LOC128092253: variants seen among roughly 807,000 people sequenced by gnomAD.
At chr6:133,966,185 AC>A in the LOC128092253 span, among the ~76,000 whole-genome samples, 9 of 152,146 alleles carry the variant, frequency 5.9e-5, no homozygotes, top group African/African-American at 2.2e-4. Context: ...AACTCTGCAG[AC>A]ATTTTATTGA....
At chr6:133,953,996 G>A in the LOC128092253 span, among the ~76,000 whole-genome samples, 2 of 152,154 alleles carry the variant, frequency 1.3e-5, no homozygotes, top group East Asian at 3.9e-4. Flanking sequence ...TAGAACTGAA[G>A]AAGAGAAAAT....
chr6:133,954,431 G>A, the LOC128092253 span, among the ~76,000 whole-genome samples: 2 of 152,228 alleles, frequency 1.3e-5, no homozygotes, highest in African/African-American at 4.8e-5. Context: ...GAAAATGGCA[G>A]TTCCTTCCTA....
the LOC128092253 span, among the ~76,000 whole-genome samples, chr6:133,966,889 A>T: frequency 6.6e-6 from 1 of 152,172 alleles, no homozygotes; most frequent in South Asian, 2.1e-4. Flanking sequence ...CTTCTCTTTC[A>T]GTCCATCCTC....
the LOC128092253 span, among the ~76,000 whole-genome samples, chr6:133,966,979 A>G: frequency 1.3e-5 from 2 of 152,154 alleles, no homozygotes; most frequent in African/African-American, 4.8e-5. Flanking sequence ...GCTAACCACT[A>G]CTTTTGAGAT....
chr6:133,963,913 C>T, the LOC128092253 span, among the ~76,000 whole-genome samples: 1,264 of 149,806 alleles, frequency 8.4e-3, 37 homozygotes, highest in Admixed American at 0.062. Context: ...TGGTGGCGGG[C>T]GCCTGTAGTC....
the LOC128092253 span, chr6:133,979,972 A>C: frequency 1.1e-6 from 1 of 885,556 alleles, no homozygotes; most frequent in Non-Finnish European, 1.6e-6. Flanking sequence ...TTCTAGTAAC[A>C]TTTGAAAAAT....
At chr6:133,961,865 A>T in the LOC128092253 span, among the ~76,000 whole-genome samples, 1 of 152,126 alleles carries the variant, frequency 6.6e-6, no homozygotes, top group Non-Finnish European at 1.5e-5. Flanking sequence ...AACATAGATC[A>T]CATTCTCTTG....
chr6:133,958,180 A>G, the LOC128092253 span, among the ~76,000 whole-genome samples: 6 of 152,300 alleles, frequency 3.9e-5, no homozygotes, highest in Admixed American at 2.0e-4. Context: ...TTGAAATACT[A>G]TTTCCCTGTG....
chr6:133,961,284 GAC>G, the LOC128092253 span, among the ~76,000 whole-genome samples: 1 of 152,118 alleles, frequency 6.6e-6, no homozygotes, highest in African/African-American at 2.4e-5. Flanking sequence ...AAGTTCTAAA[GAC>G]ACACATTTAA....
the LOC128092253 span, among the ~76,000 whole-genome samples, chr6:133,959,357 A>C: frequency 1.3e-5 from 2 of 151,798 alleles, no homozygotes; most frequent in African/African-American, 4.8e-5. Flanking sequence ...TGTGTTAGGA[A>C]ATTTTTAGGA....
At chr6:133,962,002 G>A in the LOC128092253 span, among the ~76,000 whole-genome samples, 1 of 152,128 alleles carries the variant, frequency 6.6e-6, no homozygotes, top group Admixed American at 6.5e-5. Context: ...TGGTTCACAT[G>A]AGTTGCATAC....
chr6:133,957,025 C>G, the LOC128092253 span, among the ~76,000 whole-genome samples: 1 of 152,090 alleles, frequency 6.6e-6, no homozygotes, highest in African/African-American at 2.4e-5. Context: ...AAGCAAGATT[C>G]TGGAAGTATG....
the LOC128092253 span, among the ~76,000 whole-genome samples, chr6:133,979,290 T>C: frequency 6.6e-6 from 1 of 152,238 alleles, no homozygotes; most frequent in Non-Finnish European, 1.5e-5. Context: ...GTAAATGTTA[T>C]TCATATTTTT....
the LOC128092253 span, among the ~76,000 whole-genome samples, chr6:133,974,160 T>G: frequency 6.6e-6 from 1 of 152,084 alleles, no homozygotes; most frequent in Non-Finnish European, 1.5e-5. Context: ...TGGCAAACAT[T>G]ATGGACCTCT....
chr6:133,962,457 A>T, the LOC128092253 span, among the ~76,000 whole-genome samples: 1 of 152,152 alleles, frequency 6.6e-6, no homozygotes, highest in Non-Finnish European at 1.5e-5. Context: ...AGAATGAGAG[A>T]TGAAGGATGA....
the LOC128092253 span, among the ~76,000 whole-genome samples, chr6:133,974,170 T>TA: frequency 2.6e-5 from 4 of 152,240 alleles, no homozygotes; most frequent in Non-Finnish European, 4.4e-5. Context: ...TATGGACCTC[T>TA]GTCTACATCT....
the LOC128092253 span, among the ~76,000 whole-genome samples, chr6:133,962,359 C>T: frequency 6.6e-6 from 1 of 152,216 alleles, no homozygotes; most frequent in East Asian, 1.9e-4. Context: ...AAGCCTGTAG[C>T]CATAATGACA....
the LOC128092253 span, among the ~76,000 whole-genome samples, chr6:133,974,330 T>C: frequency 6.6e-6 from 1 of 152,184 alleles, no homozygotes; most frequent in Non-Finnish European, 1.5e-5. Flanking sequence ...TATACTTTGG[T>C]CAGTTCAGTT....
chr6:133,955,972 A>G, the LOC128092253 span, among the ~76,000 whole-genome samples: 4 of 152,356 alleles, frequency 2.6e-5, no homozygotes, highest in African/African-American at 9.6e-5. Flanking sequence ...TTTATGAAAC[A>G]TATAGCTGAA....
Sources: gnomAD v4.1 joint callset for allele counts (sites outside exome capture counted in the v4.1 genomes callset) on GRCh38, gnomAD v4.1.1 for gene constraint, MANE v1.5 for transcripts.